FAT3: variants seen among roughly 807,000 people sequenced by gnomAD.
FAT3 encodes protocadherin Fat 3.
FAT3 carries 95 observed loss-of-function variants against 310.2 expected under a neutral mutation model. That is an observed-to-expected ratio of 0.31 (90% confidence interval 0.26 to 0.36). The LOEUF (loss-of-function observed/expected upper bound fraction) is 0.36. Among genes scored for constraint, FAT3 ranks in the 10% least tolerant of loss-of-function variants. FAT3 has a pLI of 1.00. For missense variants in FAT3, 5,408 were observed against 5,715.6 expected (o/e 0.95, Z 1.74); for synonymous variants, 2,314 against 2,192.9 (o/e 1.06, Z -1.54).
chr11:92,240,024 T>TA (rs1445233645), intron 1 of FAT3, among the ~76,000 whole-genome samples: 2 of 152,136 alleles, frequency 1.3e-5, no homozygotes, highest in Admixed American at 1.3e-4. Flanking sequence ...AGTTATTTTT[T>TA]ATGCCTTTCG....
At chr11:92,393,743 G>A (rs1949799180) in intron 2 of FAT3, among the ~76,000 whole-genome samples, 1 of 152,132 alleles carries the variant, frequency 6.6e-6, no homozygotes, top group Non-Finnish European at 1.5e-5. Flanking sequence ...TAATCTACTG[G>A]CTCGTTAGTG....
At chr11:92,394,086 G>A (rs561381582) in intron 2 of FAT3, among the ~76,000 whole-genome samples, 1 of 152,254 alleles carries the variant, frequency 6.6e-6, no homozygotes, top group Admixed American at 6.6e-5. Context: ...GAGGTGCTCA[G>A]TAATTCACTC....
At chr11:92,586,419 C>T (rs1939160605) in intron 3 of FAT3, among the ~76,000 whole-genome samples, 1 of 151,958 alleles carries the variant, frequency 6.6e-6, no homozygotes, top group African/African-American at 2.4e-5. Flanking sequence ...CTTGTGACCA[C>T]TCAGTGCCAC....
At chr11:92,678,436 C>T (rs1329967792) in intron 3 of FAT3, among the ~76,000 whole-genome samples, 2 of 152,110 alleles carry the variant, frequency 1.3e-5, no homozygotes, top group African/African-American at 2.4e-5. Context: ...AGACCCTATT[C>T]TCCAGCCTCA....
At chr11:92,771,932 G>A (rs1394014664) in intron 6 of FAT3, among the ~76,000 whole-genome samples, 1 of 152,120 alleles carries the variant, frequency 6.6e-6, no homozygotes, top group African/African-American at 2.4e-5. Flanking sequence ...AATTCAGTGA[G>A]AGAGAGCAAA....
chr11:92,797,441 G>C (rs1255972414), intron 9 of FAT3, among the ~76,000 whole-genome samples: 1 of 152,200 alleles, frequency 6.6e-6, no homozygotes, highest in Non-Finnish European at 1.5e-5. Flanking sequence ...ACCTAAACCA[G>C]TGGCATTCAT....
intron 4 of FAT3, among the ~76,000 whole-genome samples, chr11:92,718,390 A>C (rs1163278720): frequency 2.6e-5 from 4 of 152,072 alleles, no homozygotes; most frequent in Non-Finnish European, 4.4e-5. Context: ...GGACTAGGTG[A>C]GGGTTCCTGC....
At chr11:92,843,441 A>G (rs531356702) in intron 18 of FAT3, among the ~76,000 whole-genome samples, 1 of 152,240 alleles carries the variant, frequency 6.6e-6, no homozygotes, top group African/African-American at 2.4e-5. Flanking sequence ...TTTTCAGTGT[A>G]TTATATTTTA....
At chr11:92,562,977 AGCCCACTCAAGT>A (rs1352478210) in intron 3 of FAT3, among the ~76,000 whole-genome samples, 5 of 152,220 alleles carry the variant, frequency 3.3e-5, no homozygotes, top group Non-Finnish European at 5.9e-5. Flanking sequence ...GGCACCCTTT[AGCCCACTCAAGT>A]TGATGCATAA....
rs187465898 is a variant in FAT3 at position 92,420,876 on chromosome 11, A to G, written c.3292+65472A>G. Among the ~76,000 whole-genome samples, 168 of 152,310 alleles carry G rather than the reference A, an allele frequency of 1.1e-3. 2 individuals carry two copies. Among genetic ancestry groups the G allele is most frequent in the Non-Finnish European group, 2.5e-4 (17 of 68,018 alleles). ...TTGATTTTAATGATTTCTATCACAC[A>G]TAGCCTTTAAGACTAGTAATAGGTT... On this transcript the variant is annotated intron_variant, in intron 2 of 27. Coordinates refer to ENST00000525166, the MANE Select transcript of FAT3 (RefSeq NM_001367949.2).
At chr11:92,782,327 G>C (rs935831877) in intron 7 of FAT3, among the ~76,000 whole-genome samples, 1 of 151,922 alleles carries the variant, frequency 6.6e-6, no homozygotes, top group African/African-American at 2.4e-5. Flanking sequence ...CTGGGTACAG[G>C]GGTCATGCTT....
chr11:92,421,584 T>TCTTA (rs1439438774), intron 2 of FAT3, among the ~76,000 whole-genome samples: 2 of 152,202 alleles, frequency 1.3e-5, no homozygotes, highest in African/African-American at 2.4e-5. Flanking sequence ...CTTTTAGAGA[T>TCTTA]CTTACATTTT....
chr11:92,475,727 A>G (rs1367482021), intron 2 of FAT3, among the ~76,000 whole-genome samples: 2 of 152,240 alleles, frequency 1.3e-5, no homozygotes, highest in Non-Finnish European at 1.5e-5. Context: ...GAATATTCCA[A>G]ATTTTTAAAA....
intron 2 of FAT3, among the ~76,000 whole-genome samples, chr11:92,472,492 G>A (rs1951934710): frequency 6.6e-6 from 1 of 152,156 alleles, no homozygotes; most frequent in South Asian, 2.1e-4. Flanking sequence ...GGTATATACT[G>A]AGGCATTGGG....
At chr11:92,789,782 T>C (rs1946988655) in intron 7 of FAT3, among the ~76,000 whole-genome samples, 161 bp from the exon 8 acceptor site, 1 of 152,188 alleles carries the variant, frequency 6.6e-6, no homozygotes, top group African/African-American at 2.4e-5. Context: ...CAACCTCTAA[T>C]TACAGAATGT....
chr11:92,552,693 AT>A (rs1555081547), intron 3 of FAT3, among the ~76,000 whole-genome samples: 1 of 152,116 alleles, frequency 6.6e-6, no homozygotes, highest in Non-Finnish European at 1.5e-5. Flanking sequence ...ATTTGTTGAC[AT>A]TTTTGCTGTA....
chr11:92,707,434 T>G (rs1245363350), intron 4 of FAT3, among the ~76,000 whole-genome samples: 1 of 152,226 alleles, frequency 6.6e-6, no homozygotes, highest in Non-Finnish European at 1.5e-5. Flanking sequence ...TTTAGTCTTC[T>G]GAGCCAAGCA....
At chr11:92,568,622 T>C (rs1490297082) in intron 3 of FAT3, among the ~76,000 whole-genome samples, 2 of 152,150 alleles carry the variant, frequency 1.3e-5, no homozygotes, top group Non-Finnish European at 2.9e-5. Flanking sequence ...TGTCATTCCA[T>C]TGCTAACAGA....
intron 4 of FAT3, among the ~76,000 whole-genome samples, chr11:92,740,386 G>A (rs561626018): frequency 6.6e-5 from 10 of 152,176 alleles, no homozygotes; most frequent in East Asian, 3.9e-4. Context: ...TTTGACATCC[G>A]CAGAAAGTTC....
Sources: gnomAD v4.1 joint callset for allele counts (sites outside exome capture counted in the v4.1 genomes callset) on GRCh38, gnomAD v4.1.1 for gene constraint, MANE v1.5 for transcripts, NCBI Gene and HGNC (gene_info 2026-07-23, HGNC 2026-07-21) for gene names.